Variants in ELMOD3 observed in about 807,000 individuals in gnomAD.
ELMOD3 encodes ELMO domain-containing protein 3.
ELMOD3 carries 36 observed loss-of-function variants against 47.4 expected under a neutral mutation model. The ratio of observed to expected loss-of-function variants is 0.76; its 90% CI spans 0.58 to 1.00. The LOEUF is 1.00. Among genes scored for constraint, ELMOD3 ranks in the 50% least tolerant of loss-of-function variants. ELMOD3 has a pLI of 0.00. For missense variants in ELMOD3, 404 were observed against 463.8 expected, an observed-to-expected ratio of 0.87 and a Z score of 1.18; for synonymous variants, 149 against 183.5, an observed-to-expected ratio of 0.81 and a Z score of 1.52.
At chr2:85,367,235 G>A (rs1297448023) in intron 6 of ELMOD3, among the ~76,000 whole-genome samples, 1 of 152,218 alleles carries the variant, frequency 6.6e-6, no homozygotes, top group Admixed American at 6.6e-5. Flanking sequence ...CGGGTTGTCA[G>A]GGTCTCACAG....
At chr2:85,356,306 C>G (rs1243039538) in intron 3 of ELMOD3, 1 of 152,306 alleles carries the variant, frequency 6.6e-6, no homozygotes, top group Non-Finnish European at 1.5e-5. Flanking sequence ...CCTGACCCAG[C>G]CTGTGTGTGA....
At chr2:85,387,153 T>C (rs754541991) in intron 11 of ELMOD3, 3 of 1,297,228 alleles carry the variant, frequency 2.3e-6, no homozygotes, top group Middle Eastern at 2.1e-4. Context: ...GATCATTAAA[T>C]AGGCAATACC....
At chr2:85,389,489 G>A (rs1241863744) in intron 11 of ELMOD3, 3 of 540,418 alleles carry the variant, frequency 5.6e-6, no homozygotes, top group East Asian at 6.5e-5. Context: ...TAGCACGGGG[G>A]TTATGCACAT....
chr2:85,362,297 G>T (rs368962958), intron 5 of ELMOD3, 37 bp downstream of exon 5: 38 of 1,273,042 alleles, frequency 3.0e-5, no homozygotes, highest in Non-Finnish European at 4.4e-5. Context: ...TTCTGCCAGG[G>T]CTTTTGTTGT....
rs200984088 is a variant in ELMOD3 at position 85,368,684 on chromosome 2, A to G, written c.200-2A>G. The G allele has an allele frequency of 1.2e-6, 2 of 1,613,974 alleles. No homozygotes were observed. The highest frequency in any genetic ancestry group is 2.7e-5 in the African/African-American group (2 of 74,982). On this transcript the variant is annotated splice_acceptor_variant, in intron 6 of 13. Transcript: ENST00000409013. LOFTEE classifies it high-confidence loss of function. ...GGGTCTCCTTTTCTCCTACTATTGCAGTTGTGAGTACAGAGGTGGTCAGAG... is the reference window on the plus strand; with the variant it reads ...GGGTCTCCTTTTCTCCTACTATTGCGGTTGTGAGTACAGAGGTGGTCAGAG...
chr2:85,385,964 C>A (rs1412653433), intron 11 of ELMOD3, among the ~76,000 whole-genome samples: 1 of 152,102 alleles, frequency 6.6e-6, no homozygotes, highest in Non-Finnish European at 1.5e-5. Flanking sequence ...GGCCTAGAGC[C>A]CCTGTTTCCT....
At chr2:85,363,235 T>A in intron 6 of ELMOD3, 69 bp downstream of exon 6, 1 of 839,674 alleles carries the variant, frequency 1.2e-6, no homozygotes, top group East Asian at 2.5e-5. Context: ...GCATCTGCTG[T>A]TCATCATTTG....
intron 11 of ELMOD3, among the ~76,000 whole-genome samples, chr2:85,381,644 A>C (rs1464238611): frequency 2.0e-5 from 3 of 152,156 alleles, no homozygotes; most frequent in Non-Finnish European, 4.4e-5. Context: ...AAGAAACTTA[A>C]CCTATTTTAT....
chr2:85,383,919 G>C (rs1205707218), intron 11 of ELMOD3, among the ~76,000 whole-genome samples: 1 of 152,182 alleles, frequency 6.6e-6, no homozygotes, highest in Admixed American at 6.5e-5. Flanking sequence ...ATGTGCCTAA[G>C]TTCATCAGAG....
At position 85,390,188 on chromosome 2, in the gene ELMOD3, C is replaced by A; in HGVS notation, c.866C>A (p.Ala289Asp). Residue 289 changes from alanine (A) to aspartate (D), a missense_variant, in exon 13 of 14, where the codon GCC becomes GAC. By Grantham distance (126) the Ala-to-Asp change is moderately radical (BLOSUM62 -2). Coordinates refer to ENST00000409013, the MANE Select transcript of ELMOD3 (RefSeq NM_001135022.2). ...ATCCCCGTGGTGAACAGCTTCTATG[C>A]CGCCACATTCCTCCACCTCGCACAT... is the stretch of plus-strand genomic sequence containing the variant. ...KVIPVVNSFY[A>D]ATFLHLAHVW... is the part of the protein sequence containing the mutation. 6.2e-7 allele frequency: 1 copy of A among 1,614,226 alleles called. No homozygotes were observed. The highest frequency in any genetic ancestry group is 8.5e-7 in the Non-Finnish European group (1 of 1,180,050).
intron 11 of ELMOD3, among the ~76,000 whole-genome samples, chr2:85,382,713 A>G (rs1685654721): frequency 6.6e-6 from 1 of 152,024 alleles, no homozygotes; most frequent in African/African-American, 2.4e-5. Flanking sequence ...ATAGGGTTTC[A>G]CTATGTTGAA....
Position 85,391,123 on chromosome 2 carries a change from G to C in ELMOD3, c.*161G>C. On this transcript the variant is annotated 3_prime_UTR_variant, in exon 14 of 14. Coordinates refer to ENST00000409013, the MANE Select transcript of ELMOD3 (RefSeq NM_001135022.2). ...CTGTGGGAAGCCAAGTACCCTCACC[G>C]GCATGGGACATGAGGGGCAGCTAGA... The C allele has an allele frequency of 1.5e-6, 1 of 676,894 alleles. No homozygotes were observed. The highest frequency in any genetic ancestry group is 2.5e-6 in the Non-Finnish European group (1 of 398,688). 41.9% of individuals were successfully genotyped at this position (676,894 alleles called of 1,614,324 possible).
chr2:85,386,941 T>G, intron 11 of ELMOD3: 2 of 864,626 alleles, frequency 2.3e-6, no homozygotes, highest in South Asian at 1.9e-5. Context: ...AGGCAGAGGT[T>G]GTGGGAGCCG....
chr2:85,357,726 G>A (rs1489743527), intron 4 of ELMOD3: 1 of 152,864 alleles, frequency 6.5e-6, no homozygotes, highest in African/African-American at 2.4e-5. Context: ...CTGGGACAAA[G>A]CCTTTGCTTT....
chr2:85,371,425 T>G lies in ELMOD3; in HGVS notation c.485-15T>G. 1 of 1,613,820 alleles carries G rather than the reference T, an allele frequency of 6.2e-7. No individual in the cohort carries two copies. Among genetic ancestry groups the G allele is most frequent in the Non-Finnish European group, 8.5e-7 (1 of 1,179,926 alleles). ...GGGGCAATCTGGCAGAGAGTGTGGGTGTGTTTTGGGGCAGGTGGCCTGGAT... is the reference window on the plus strand; with the variant it reads ...GGGGCAATCTGGCAGAGAGTGTGGGGGTGTTTTGGGGCAGGTGGCCTGGAT... On this transcript the variant is annotated splice_polypyrimidine_tract_variant and intron_variant, in intron 9 of 13. Transcript: ENST00000409013.
chr2:85,361,351 A>C (rs1382679405), intron 4 of ELMOD3, among the ~76,000 whole-genome samples: 1 of 152,224 alleles, frequency 6.6e-6, no homozygotes, highest in Non-Finnish European at 1.5e-5. Flanking sequence ...GATAACATTA[A>C]TTAAGCTTTT....
At chr2:85,382,868 A>G (rs900346718) in intron 11 of ELMOD3, among the ~76,000 whole-genome samples, 1 of 151,744 alleles carries the variant, frequency 6.6e-6, no homozygotes, top group Non-Finnish European at 1.5e-5. Flanking sequence ...ACCTTAATTT[A>G]AAAACAAGAC....
Position 85,357,011 on chromosome 2 carries a change from A to G in ELMOD3, c.-188A>G, listed in dbSNP as rs986016368. On this transcript the variant is annotated 5_prime_UTR_variant, in exon 4 of 14. Coordinates refer to ENST00000409013, the MANE Select transcript of ELMOD3 (RefSeq NM_001135022.2). Reference sequence around the variant, plus strand: ...TCAGAGGACTTCTCTCAGCACTCACAGAAACCTCCTACACCCTCGGATGGC... The same window carrying G: ...TCAGAGGACTTCTCTCAGCACTCACGGAAACCTCCTACACCCTCGGATGGC... 18 of 487,310 alleles carry G rather than the reference A, an allele frequency of 3.7e-5. No homozygotes were observed. In the East Asian group the frequency reaches 6.2e-4, roughly 17 times the overall value. The allele number at this position is 487,310 out of a possible 1,614,324, so 30.2% of individuals were successfully genotyped here.
chr2:85,391,279 C>T lies in ELMOD3; in HGVS notation c.*317C>T. On this transcript the variant is annotated 3_prime_UTR_variant, in exon 14 of 14. Transcript: ENST00000409013. ...AATGGATCATGAGGTGGGATGGCCC[C>T]ATCTGGATGTTCTGCAGATCCCCAC... The T allele has an allele frequency of 3.9e-6, 1 of 257,088 alleles. No individual in the cohort carries two copies. Among genetic ancestry groups the T allele is most frequent in the South Asian group, 6.1e-5 (1 of 16,506 alleles). 15.9% of individuals were successfully genotyped at this position (257,088 alleles called of 1,614,324 possible).
Sources: allele counts gnomAD v4.1 joint callset (sites outside exome capture counted in the v4.1 genomes callset), GRCh38; gene constraint gnomAD v4.1.1; transcripts MANE v1.5; gene names NCBI Gene and HGNC (gene_info 2026-07-23, HGNC 2026-07-21).